Variants in PTCSC3 observed in about 807,000 individuals in gnomAD.
PTCSC3 encodes the protein papillary thyroid carcinoma susceptibility candidate 3 (non-protein coding).
At chr14:36,136,147 A>G (rs1015178637) in exon 4 of PTCSC3, 3 of 152,114 alleles carry the variant, frequency 2.0e-5, no homozygotes, top group Admixed American at 2.0e-4. Context: ...TGCCTACTTT[A>G]TCTTCTAGCT....
At chr14:36,162,315 A>G (rs1881981856) in intron 2 of PTCSC3, among the ~76,000 whole-genome samples, 1 of 150,118 alleles carries the variant, frequency 6.7e-6, no homozygotes, top group Non-Finnish European at 1.5e-5. Flanking sequence ...GTCTGCCTAA[A>G]TGGCTGCCCG....
chr14:36,139,565 C>T lies in PTCSC3; in HGVS notation n.323-3209G>A, dbSNP rs149905564. Among the ~76,000 whole-genome samples the T allele has an allele frequency of 1.8e-3, 272 of 152,220 alleles. 2 individuals carry two copies. The highest frequency in any genetic ancestry group is 3.3e-3 in the Non-Finnish European group (224 of 68,028). ...GCTTCCTCCATTATTCGCTACCCCC[C>T]CAATACACACACACAACATGTGTAT... On this transcript the variant is annotated intron_variant and non_coding_transcript_variant, in intron 3 of 3. Transcript: ENST00000556013.
At chr14:36,162,631 A>AT (rs1881991342) in exon 2 of PTCSC3, 1 of 152,276 alleles carries the variant, frequency 6.6e-6, no homozygotes, top group Non-Finnish European at 1.5e-5. Flanking sequence ...TACCTTTTGC[A>AT]TTAATCTCCC....
intron 1 of PTCSC3, among the ~76,000 whole-genome samples, chr14:36,174,493 G>A (rs1489918843): frequency 6.6e-6 from 1 of 152,006 alleles, no homozygotes; most frequent in East Asian, 1.9e-4. Context: ...ATTTTTATTT[G>A]TATGTCTAGT....
intron 1 of PTCSC3, among the ~76,000 whole-genome samples, chr14:36,170,096 G>C (rs991186318): frequency 3.3e-5 from 5 of 152,032 alleles, no homozygotes; most frequent in Non-Finnish European, 7.4e-5. Context: ...TCTGATGCTG[G>C]GAGAGGGTAT....
intron 1 of PTCSC3, among the ~76,000 whole-genome samples, chr14:36,167,192 A>ATGAT (rs2139111351): frequency 6.6e-6 from 1 of 152,328 alleles, no homozygotes; most frequent in South Asian, 2.1e-4. Flanking sequence ...CTCTTTGCAG[A>ATGAT]TGATTAATCC....
At chr14:36,156,678 T>C (rs1169138) in intron 2 of PTCSC3, among the ~76,000 whole-genome samples, 97,013 of 151,806 alleles carry the variant, frequency 0.64, 31,355 homozygotes, top group Middle Eastern at 0.7. Context: ...GTTTTCTGTT[T>C]CTGTGTTAGT....
chr14:36,147,709 C>T, intron 3 of PTCSC3, among the ~76,000 whole-genome samples: 1 of 152,092 alleles, frequency 6.6e-6, no homozygotes. Flanking sequence ...TGGTGAGGAA[C>T]TGCGTTCCTT....
chr14:36,160,298 A>C (rs895668141), intron 2 of PTCSC3, among the ~76,000 whole-genome samples: 1 of 152,070 alleles, frequency 6.6e-6, no homozygotes, highest in Non-Finnish European at 1.5e-5. Context: ...TTGCCCATTA[A>C]TTGATGCAGT....
At chr14:36,136,711 G>C (rs1464290140) in intron 3 of PTCSC3, among the ~76,000 whole-genome samples, 1 of 152,134 alleles carries the variant, frequency 6.6e-6, no homozygotes, top group Non-Finnish European at 1.5e-5. Context: ...TGTTATGCTA[G>C]GTGCCAGGGA....
chr14:36,140,213 C>T (rs1881388273), intron 3 of PTCSC3, among the ~76,000 whole-genome samples: 3 of 152,124 alleles, frequency 2.0e-5, no homozygotes. Context: ...GGATGTATCA[C>T]AGTTTGAATT....
intron 1 of PTCSC3, among the ~76,000 whole-genome samples, chr14:36,169,671 C>T (rs1594457243): frequency 6.6e-6 from 1 of 152,216 alleles, no homozygotes; most frequent in African/African-American, 2.4e-5. Flanking sequence ...TAAGCAGTAC[C>T]TCTTTGTCCT....
chr14:36,148,331 A>C (rs1881638086), intron 3 of PTCSC3, among the ~76,000 whole-genome samples: 1 of 151,440 alleles, frequency 6.6e-6, no homozygotes, highest in South Asian at 2.1e-4. Flanking sequence ...TAGGCATAGG[A>C]CCCTCCGAGC....
chr14:36,141,983 A>G (rs757177687), intron 3 of PTCSC3, among the ~76,000 whole-genome samples: 4 of 152,042 alleles, frequency 2.6e-5, no homozygotes, highest in African/African-American at 9.7e-5. Flanking sequence ...AGACAGTTTT[A>G]TTTGTTTCTT....
intron 3 of PTCSC3, among the ~76,000 whole-genome samples, chr14:36,140,069 G>A (rs1881384341): frequency 6.6e-6 from 1 of 152,176 alleles, no homozygotes; most frequent in Admixed American, 6.5e-5. Context: ...AAGATGTCAT[G>A]TAGTTGGAAT....
chr14:36,167,465 T>C (rs1297726395), intron 1 of PTCSC3, among the ~76,000 whole-genome samples: 3 of 152,188 alleles, frequency 2.0e-5, no homozygotes, highest in Non-Finnish European at 2.9e-5. Context: ...GAACCCATTT[T>C]AACTTCTGTA....
At chr14:36,159,155 G>A (rs1594452810) in intron 2 of PTCSC3, among the ~76,000 whole-genome samples, 1 of 149,162 alleles carries the variant, frequency 6.7e-6, no homozygotes, top group South Asian at 2.1e-4. Context: ...TTATTAGTCT[G>A]GCTACTGGTC....
At chr14:36,148,361 C>T (rs1302670234) in intron 3 of PTCSC3, among the ~76,000 whole-genome samples, 3 of 152,296 alleles carry the variant, frequency 2.0e-5, no homozygotes, top group South Asian at 2.1e-4. Flanking sequence ...GATATAATGT[C>T]GTGGTGCGCC....
intron 3 of PTCSC3, among the ~76,000 whole-genome samples, chr14:36,140,362 T>C (rs1360608013): frequency 2.0e-5 from 3 of 152,180 alleles, no homozygotes; most frequent in Non-Finnish European, 4.4e-5. Context: ...GTTAAATACT[T>C]AAGAGCATAT....
Sources: allele counts gnomAD v4.1 joint callset (sites outside exome capture counted in the v4.1 genomes callset), GRCh38; gene constraint gnomAD v4.1.1; transcripts MANE v1.5; gene names NCBI Gene and HGNC (gene_info 2026-07-23, HGNC 2026-07-21).